The following FBXL20 variants were observed in gnomAD, a reference collection of about 807,000 sequenced individuals.
The protein encoded by FBXL20 is F-box and leucine rich repeat protein 20, also known as F-box/LRR-repeat protein 20.
Under a neutral mutation model 64.0 loss-of-function variants are expected in FBXL20, and 11 were observed. The observed-to-expected ratio is 0.17, with a 90% CI of 0.11 to 0.28. FBXL20 has a LOEUF of 0.28. Among genes scored for constraint, FBXL20 ranks in the 10% least tolerant of loss-of-function variants. FBXL20 has a pLI of 1.00. For synonymous variants in FBXL20, 184 were observed against 189.0 expected (o/e 0.97, Z 0.22); for missense variants, 303 against 526.2 (o/e 0.58, Z 4.15).
rs2047902310 is a variant in FBXL20, at chr17:39,370,220, ATGCCTCACGCC to A, written c.43-26990_43-26980del. ...AAAAAAAAAAAGAGGACCAAGCGCT[ATGCCTCACGCC>A]TGTAATCCTAGCACTTTGGGAGGCC... On this transcript the variant is annotated intron_variant, in intron 1 of 14. Transcript: ENST00000264658. Among the ~76,000 whole-genome samples the A allele has an allele frequency of 2.6e-5, 4 of 151,594 alleles. No homozygotes were observed. The South Asian group carries it at 8.3e-4, about 32-fold the overall frequency.
chr17:39,280,103 CGGGCGCTTGTAATCCCAGCTACTT>C (rs1179872579), intron 9 of FBXL20, among the ~76,000 whole-genome samples: 2 of 151,946 alleles, frequency 1.3e-5, no homozygotes, highest in East Asian at 3.9e-4. Context: ...GGTGTGGTGA[CGGGCGCTTGTAATCCCAGCTACTT>C]GGGAGGCTGA....
At chr17:39,303,439 G>A (rs745963640) in intron 3 of FBXL20, 146 bp downstream of exon 3, 10 of 582,334 alleles carry the variant, frequency 1.7e-5, no homozygotes, top group Non-Finnish European at 2.3e-5. Flanking sequence ...ATTTACATGG[G>A]TTTGGGTATG....
At chr17:39,283,658 A>C (rs1486365738) in intron 7 of FBXL20, among the ~76,000 whole-genome samples, 1 of 151,960 alleles carries the variant, frequency 6.6e-6, no homozygotes, top group Non-Finnish European at 1.5e-5. Flanking sequence ...ATTTTAAAAA[A>C]TTACAAAGGC....
At chr17:39,288,259 C>A (rs555217174) in intron 6 of FBXL20, among the ~76,000 whole-genome samples, 3 of 151,970 alleles carry the variant, frequency 2.0e-5, no homozygotes, top group African/African-American at 7.2e-5. Flanking sequence ...GGTGAGCCAC[C>A]GCACCTGGTG....
intron 12 of FBXL20, 141 bp downstream of exon 12, chr17:39,268,686 A>T: frequency 1.5e-6 from 1 of 656,104 alleles, no homozygotes; most frequent in Non-Finnish European, 2.6e-6. Context: ...TGCCTGGAAG[A>T]TACCTTACTT....
At chr17:39,276,329 G>C (rs1358725350) in intron 9 of FBXL20, among the ~76,000 whole-genome samples, 2 of 150,444 alleles carry the variant, frequency 1.3e-5, no homozygotes, top group East Asian at 4.0e-4. Context: ...AAAAGAAAGG[G>C]AAGGAAGGGA....
At position 39,260,110 on chromosome 17, in the gene FBXL20, C is replaced by G. The variant is rs148677602; in HGVS notation, c.*1350G>C. On this transcript the variant is annotated 3_prime_UTR_variant, in exon 15 of 15. Coordinates refer to ENST00000264658, the MANE Select transcript of FBXL20 (RefSeq NM_032875.3). ...TCCATTAACACTGACATACAATTGACCAGCTGTTATAGAGCCATTCTTGTA... is the reference window on the plus strand; with the variant it reads ...TCCATTAACACTGACATACAATTGAGCAGCTGTTATAGAGCCATTCTTGTA... The G allele has an allele frequency of 2.0e-5, 3 of 151,918 alleles. No individual in the cohort carries two copies. The East Asian group carries it at 5.8e-4, about 29-fold the overall frequency. The allele number at this position is 151,918 out of a possible 1,614,324, so 9.4% of individuals were successfully genotyped here.
intron 9 of FBXL20, among the ~76,000 whole-genome samples, chr17:39,275,401 T>C (rs1430122976): frequency 2.0e-5 from 3 of 151,554 alleles, no homozygotes; most frequent in Non-Finnish European, 4.4e-5. Flanking sequence ...AATTAAATAA[T>C]TTTATTTATT....
chr17:39,277,166 T>C (rs2046904875), intron 9 of FBXL20, among the ~76,000 whole-genome samples: 1 of 152,128 alleles, frequency 6.6e-6, no homozygotes, highest in Non-Finnish European at 1.5e-5. Flanking sequence ...GACACAAATA[T>C]AGATTAAAAA....
At chr17:39,311,117 T>C (rs2047232606) in intron 2 of FBXL20, among the ~76,000 whole-genome samples, 1 of 152,034 alleles carries the variant, frequency 6.6e-6, no homozygotes, top group Non-Finnish European at 1.5e-5. Context: ...CAGTGAGCTA[T>C]GATTATGCCA....
At position 39,323,456 on chromosome 17, in the gene FBXL20, T is replaced by A. The variant is rs1447021317; in HGVS notation, c.104+19724A>T. ...AGGCAGCTTATTAAGCAACATAATG[T>A]GTGACCTGAAAATATAGGTGCTATT... On this transcript the variant is annotated intron_variant, in intron 2 of 14. Coordinates refer to ENST00000264658, the MANE Select transcript of FBXL20 (RefSeq NM_032875.3). Among the ~76,000 whole-genome samples the A allele has an allele frequency of 3.9e-5, 6 of 152,204 alleles. No individual in the cohort carries two copies. In the East Asian group the frequency reaches 1.2e-3, roughly 29 times the overall value.
intron 5 of FBXL20, 21 bp downstream of exon 5, chr17:39,298,968 TA>T: frequency 6.3e-7 from 1 of 1,579,144 alleles, no homozygotes; most frequent in Non-Finnish European, 8.7e-7. Context: ...TCAAGAAGAT[TA>T]ATCAATAGTT....
chr17:39,362,958 A>AT (rs2047813169), intron 1 of FBXL20, among the ~76,000 whole-genome samples: 2 of 151,374 alleles, frequency 1.3e-5, no homozygotes, highest in African/African-American at 4.8e-5. Flanking sequence ...ACAACCAACC[A>AT]TTATTAAATG....
intron 2 of FBXL20, among the ~76,000 whole-genome samples, chr17:39,309,853 G>A (rs1298427310): frequency 1.3e-5 from 2 of 149,828 alleles, no homozygotes; most frequent in Non-Finnish European, 3.0e-5. Context: ...AGAAGAACAA[G>A]AAAAAACAAC....
Position 39,299,170 on chromosome 17 carries a change from C to A in FBXL20, c.235-86G>T, listed in dbSNP as rs563966240. The A allele has an allele frequency of 3.1e-6, 3 of 975,728 alleles. No individual in the cohort carries two copies. The African/African-American group carries it at 5.0e-5, about 16-fold the overall frequency. 60.4% of individuals were successfully genotyped at this position (975,728 alleles called of 1,614,324 possible). A position where few individuals can be genotyped will look rare whatever the true frequency, so the allele number is the denominator to read the frequency against. On this transcript the variant is annotated intron_variant, in intron 4 of 14. Coordinates refer to ENST00000264658, the MANE Select transcript of FBXL20 (RefSeq NM_032875.3). ...ATACTCATTTTTAACGATTTATAAACAAAGAGAAAATGCTTCTATTATGAC... is the reference window on the plus strand; with the variant it reads ...ATACTCATTTTTAACGATTTATAAAAAAAGAGAAAATGCTTCTATTATGAC...
chr17:39,310,756 T>C (rs1030588424), intron 2 of FBXL20, among the ~76,000 whole-genome samples: 8 of 152,094 alleles, frequency 5.3e-5, no homozygotes, highest in African/African-American at 1.9e-4. Flanking sequence ...GAGGCCAAGG[T>C]GGATGGATCA....
In FBXL20 at chr17:39,401,416, G is replaced by C. The variant is rs771006132; in HGVS notation, c.-14C>G. 1.3e-6 allele frequency: 2 copies of C among 1,594,346 alleles called. No homozygotes were observed. Among genetic ancestry groups the C allele is most frequent in the Non-Finnish European group, 1.7e-6 (2 of 1,171,856 alleles). On this transcript the variant is annotated 5_prime_UTR_variant, in exon 1 of 15. Coordinates refer to ENST00000264658, the MANE Select transcript of FBXL20 (RefSeq NM_032875.3). Reference sequence around the variant, plus strand: ...GTCCCTCCTCATGGGGCCGGCGGGTGCGGCCCGGGCCGGGCGCTGCGGCGA... The same window carrying C: ...GTCCCTCCTCATGGGGCCGGCGGGTCCGGCCCGGGCCGGGCGCTGCGGCGA...
intron 1 of FBXL20, among the ~76,000 whole-genome samples, chr17:39,392,279 A>G (rs1016759753): frequency 5.3e-5 from 8 of 151,980 alleles, no homozygotes; most frequent in African/African-American, 1.9e-4. Flanking sequence ...ATATCTACTA[A>G]AAACACAAAA....
intron 2 of FBXL20, among the ~76,000 whole-genome samples, chr17:39,318,696 T>A (rs2047320520): frequency 6.6e-6 from 1 of 151,844 alleles, no homozygotes; most frequent in African/African-American, 2.4e-5. Context: ...GCCGAGATCA[T>A]GCCACTGCAC....
Sources: allele counts gnomAD v4.1 joint callset (sites outside exome capture counted in the v4.1 genomes callset), GRCh38; gene constraint gnomAD v4.1.1; transcripts MANE v1.5; gene names NCBI Gene and HGNC (gene_info 2026-07-23, HGNC 2026-07-21).